AKT2: variants seen among roughly 807,000 people sequenced by gnomAD.
AKT2 encodes AKT serine/threonine kinase 2.
AKT2 carries 16 observed loss-of-function variants against 58.6 expected under a neutral mutation model. The observed-to-expected ratio is 0.27, with a 90% CI of 0.18 to 0.41. The LOEUF is 0.41. Among genes scored for constraint, AKT2 ranks in the 10% least tolerant of loss-of-function variants. AKT2 has a pLI of 1.00. For synonymous variants in AKT2, 253 were observed against 254.0 expected (o/e 1.00, Z 0.04); for missense variants, 438 against 661.0 (o/e 0.66, Z 3.70).
At chr19:40,241,311 C>A (rs1377965202) in intron 6 of AKT2, 1 of 161,560 alleles carries the variant, frequency 6.2e-6, no homozygotes, top group East Asian at 1.8e-4. Flanking sequence ...GGCAGCACCA[C>A]ATGATTATAT....
In AKT2 at chr19:40,231,295, G is replaced by A. The variant is rs2145134242; in HGVS notation, c.*2577C>T. ...CACACTACGAGACCTGCATCACCAT[G>A]GTGTGAGGAGCAGCAACGTGGGTCA... On this transcript the variant is annotated 3_prime_UTR_variant, in exon 14 of 14. Coordinates refer to ENST00000392038, the MANE Select transcript of AKT2 (RefSeq NM_001626.6). 1 of 232,448 alleles carries A rather than the reference G, an allele frequency of 4.3e-6. No homozygotes were observed. The highest frequency in any genetic ancestry group is 6.1e-5 in the East Asian group (1 of 16,464). The allele number at this position is 232,448 out of a possible 1,614,324, so 14.4% of individuals were successfully genotyped here.
intron 7 of AKT2, chr19:40,239,759 C>G (rs1974273173): frequency 9.5e-5 from 60 of 631,590 alleles, no homozygotes; most frequent in South Asian, 9.4e-4. Context: ...CTAAGTGCTC[C>G]TAACTCATAG....
intron 1 of AKT2, among the ~76,000 whole-genome samples, chr19:40,276,715 T>C (rs1300105594): frequency 2.0e-5 from 3 of 151,984 alleles, no homozygotes; most frequent in East Asian, 3.9e-4. Context: ...TTATGTTATC[T>C]CAAAAGATAA....
rs1974449320 is a variant in AKT2, at chr19:40,242,159, G to GA, written c.442-91dup. 1 of 1,572,846 alleles carries GA rather than the reference G, an allele frequency of 6.4e-7. No individual in the cohort carries two copies. The highest frequency in any genetic ancestry group is 8.7e-7 in the Non-Finnish European group (1 of 1,151,830). ...AACAAAAGAAAGAGGAAAACCAAAA[G>GA]ACACTGTTGCCAAACGGCTTAGGCT... On this transcript the variant is annotated intron_variant, in intron 5 of 13. Transcript: ENST00000392038. The surrounding 1 kb of genome is among the most constrained non-coding windows in gnomAD (Gnocchi z 4.3).
chr19:40,249,901 G>A (rs191228541), intron 4 of AKT2, among the ~76,000 whole-genome samples: 50 of 152,344 alleles, frequency 3.3e-4, no homozygotes, highest in East Asian at 3.9e-4. Flanking sequence ...AGGGCAGGAC[G>A]CACTGGGGTG....
intron 1 of AKT2, chr19:40,283,200 TAAC>T (rs2077454636): frequency 6.6e-6 from 1 of 152,386 alleles, no homozygotes; most frequent in Non-Finnish European, 1.5e-5. Context: ...AGGGAGAGCA[TAAC>T]AACAGCGCCT....
intron 4 of AKT2, among the ~76,000 whole-genome samples, chr19:40,252,131 C>T (rs1487980132): frequency 6.6e-6 from 1 of 152,206 alleles, no homozygotes; most frequent in African/African-American, 2.4e-5. Context: ...CCTGCAACCC[C>T]TGCCTCCCTC....
At chr19:40,250,029 G>A (rs1975031820) in intron 4 of AKT2, among the ~76,000 whole-genome samples, 1 of 152,178 alleles carries the variant, frequency 6.6e-6, no homozygotes, top group Admixed American at 6.5e-5. Flanking sequence ...AGATGTGCTA[G>A]GCATGTTTAA....
intron 1 of AKT2, chr19:40,275,409 G>A (rs1204609377): frequency 2.3e-6 from 1 of 427,876 alleles, no homozygotes; most frequent in Admixed American, 2.5e-5. Context: ...CTGCATCAAG[G>A]CTAATACTCA....
At chr19:40,261,762 T>C (rs1315672308) in intron 2 of AKT2, among the ~76,000 whole-genome samples, 1 of 152,134 alleles carries the variant, frequency 6.6e-6, no homozygotes, top group Non-Finnish European at 1.5e-5. Context: ...GACTGCTTAA[T>C]GGGTACAAAG....
chr19:40,281,612 C>A (rs2077425693), intron 1 of AKT2, among the ~76,000 whole-genome samples: 1 of 152,240 alleles, frequency 6.6e-6, no homozygotes, highest in African/African-American at 2.4e-5. Context: ...GGGAGCTGCC[C>A]TTGTCAGTTC....
At chr19:40,279,961 C>G (rs759813867) in intron 1 of AKT2, among the ~76,000 whole-genome samples, 2 of 152,206 alleles carry the variant, frequency 1.3e-5, no homozygotes, top group East Asian at 1.9e-4. Context: ...CCTACCCACA[C>G]GTCACCTCCT....
intron 4 of AKT2, among the ~76,000 whole-genome samples, chr19:40,250,235 G>A (rs910855183): frequency 6.6e-6 from 1 of 152,176 alleles, no homozygotes. Flanking sequence ...AGGCACGGTG[G>A]CTCACGCTTG....
At chr19:40,257,296 C>T (rs1255339500) in intron 2 of AKT2, among the ~76,000 whole-genome samples, 1 of 152,226 alleles carries the variant, frequency 6.6e-6, no homozygotes, top group Non-Finnish European at 1.5e-5. Context: ...AAGGTGCCAG[C>T]AGCAGTGCCC....
rs767039609 is a variant in AKT2, at chr19:40,235,124, C to A, written c.1287G>T (p.Gln429His). The A allele has an allele frequency of 6.2e-7, 1 of 1,614,100 alleles. No homozygotes were observed. The highest frequency in any genetic ancestry group is 8.5e-7 in the Non-Finnish European group (1 of 1,180,008). ...ACCTTGTGTCGACCTCGGACGTGAC[C>A]TGAGGTTTGAAGGGTGGCAGGAGCT... ...QKKLLPPFKP[Q>H]VTSEVDTRYF... The change falls in exon 13 of 14, where the codon CAG (glutamine) becomes CAT (histidine). Residue 429 changes from glutamine to histidine, a missense_variant. By Grantham distance (24) the Gln-to-His change is conservative. Transcript: ENST00000392038. The surrounding 1 kb of genome is among the most constrained non-coding windows in gnomAD (Gnocchi z 6.3).
chr19:40,235,878 G>A lies in AKT2; in HGVS notation c.1175+12C>T, dbSNP rs764135144. The A allele has an allele frequency of 3.9e-5, 62 of 1,601,056 alleles. No homozygotes were observed. The highest frequency in any genetic ancestry group is 5.0e-5 in the Non-Finnish European group (59 of 1,176,118). On this transcript the variant is annotated intron_variant, in intron 11 of 13. Coordinates refer to ENST00000392038, the MANE Select transcript of AKT2 (RefSeq NM_001626.6). The surrounding 1 kb of genome is among the most constrained non-coding windows in gnomAD (Gnocchi z 6.3). ...TGGCGCTGGGCTGGGTGGGGCCGACGCCAGCCCTCACCTCTGCTTGGGGTC... is the reference window on the plus strand; with the variant it reads ...TGGCGCTGGGCTGGGTGGGGCCGACACCAGCCCTCACCTCTGCTTGGGGTC...
At chr19:40,276,703 G>A (rs543994076) in intron 1 of AKT2, among the ~76,000 whole-genome samples, 63 of 150,936 alleles carry the variant, frequency 4.2e-4, no homozygotes, top group African/African-American at 1.5e-3. Context: ...CCAAGCACAT[G>A]TTTATGTTAT....
chr19:40,232,559 G>A lies in AKT2; in HGVS notation c.*1313C>T, dbSNP rs186585471. 1.6e-3 allele frequency: 371 copies of A among 233,160 alleles called. 1 individual carries two copies. The highest frequency in any genetic ancestry group is 2.5e-3 in the Admixed American group (44 of 17,784). The allele number at this position is 233,160 out of a possible 1,614,324, so 14.4% of individuals were successfully genotyped here. ...AGCTAAACTCCAAACACCCAGAGGT[G>A]TTGCTACAGGGAGGGGAGGCGTGGG... is the stretch of plus-strand genomic sequence containing the variant. On this transcript the variant is annotated 3_prime_UTR_variant, in exon 14 of 14. Transcript: ENST00000392038.
intron 1 of AKT2, chr19:40,274,796 G>A: frequency 2.9e-6 from 1 of 339,764 alleles, no homozygotes; most frequent in South Asian, 2.3e-5. Context: ...TGTAGCTAGA[G>A]GAAGCTGGGG....
Sources: allele counts gnomAD v4.1 joint callset (sites outside exome capture counted in the v4.1 genomes callset), GRCh38; gene constraint gnomAD v4.1.1; non-coding constraint Gnocchi (gnomAD v3.1); transcripts MANE v1.5; gene names NCBI Gene and HGNC (gene_info 2026-07-23, HGNC 2026-07-21).